The following KLRG1 variants were observed in gnomAD, a reference collection of about 807,000 sequenced individuals.
KLRG1 encodes killer cell lectin-like receptor subfamily G member 1.
A neutral mutation model predicts 21.8 loss-of-function variants in KLRG1; 16 were observed. That is an observed-to-expected ratio of 0.73 (90% CI 0.50 to 1.11). The LOEUF (loss-of-function observed/expected upper bound fraction) is 1.11. KLRG1 is among the 50% of genes most tolerant of loss of function. The pLI, the probability that KLRG1 is intolerant of heterozygous loss-of-function variation, is 0.00. For synonymous variants in KLRG1, 69 were observed against 75.9 expected (o/e 0.91, Z 0.47); for missense variants, 173 against 218.3 (o/e 0.79, Z 1.31).
chr12:9,067,993 T>C, the KLRG1 span: 1 of 948,336 alleles, frequency 1.1e-6, no homozygotes, highest in Non-Finnish European at 1.6e-6. Context: ...CCATAAGCAA[T>C]CCTATGGACT....
chr12:9,062,131 C>T, the KLRG1 span, among the ~76,000 whole-genome samples: 13 of 147,326 alleles, frequency 8.8e-5, no homozygotes, highest in Admixed American at 2.7e-4. Context: ...GATAATATAT[C>T]TGATATATTT....
chr12:9,040,645 G>T, the KLRG1 span, among the ~76,000 whole-genome samples: 310 of 152,092 alleles, frequency 2.0e-3, 2 homozygotes, highest in African/African-American at 7.1e-3. Flanking sequence ...TTTTATATGT[G>T]GTTGTGTGGT....
the KLRG1 span, chr12:9,066,552 G>C: frequency 6.6e-6 from 1 of 152,364 alleles, no homozygotes. Flanking sequence ...CCTTGGATCC[G>C]GGATCCAGGT....
At chr12:9,079,627 G>A in the KLRG1 span, 1 of 1,607,530 alleles carries the variant, frequency 6.2e-7, no homozygotes, top group Non-Finnish European at 8.5e-7. Flanking sequence ...CCTTACTCAA[G>A]TAATCACTCA....
At chr12:9,086,401 C>G in the KLRG1 span, among the ~76,000 whole-genome samples, 1 of 152,250 alleles carries the variant, frequency 6.6e-6, no homozygotes, top group Admixed American at 6.5e-5. Flanking sequence ...ACGAAATAAA[C>G]TAGCAGACTA....
At chr12:8,981,482 C>T (rs1488050936) in intron 1 of KLRG1, among the ~76,000 whole-genome samples, 1 of 151,208 alleles carries the variant, frequency 6.6e-6, no homozygotes, top group Non-Finnish European at 1.5e-5. Context: ...AATATTTTAA[C>T]GTTTAAAATT....
At chr12:9,113,398 C>T in the KLRG1 span, 1 of 1,613,718 alleles carries the variant, frequency 6.2e-7, no homozygotes, top group Non-Finnish European at 8.5e-7. Flanking sequence ...TTCTCCGCCT[C>T]CAGGTCAGTG....
the KLRG1 span, chr12:9,153,094 G>T: frequency 1.4e-4 from 232 of 1,610,100 alleles, no homozygotes; most frequent in Non-Finnish European, 2.0e-4. Flanking sequence ...GTTTAAAGTT[G>T]ACTCTCACCC....
the KLRG1 span, among the ~76,000 whole-genome samples, chr12:9,178,940 A>G: frequency 6.6e-6 from 1 of 152,212 alleles, no homozygotes; most frequent in Non-Finnish European, 1.5e-5. Context: ...TGAAGTAGAA[A>G]CTAGAATAAA....
the KLRG1 span, among the ~76,000 whole-genome samples, chr12:9,145,785 C>T: frequency 2.4e-3 from 373 of 152,254 alleles, 5 homozygotes; most frequent in African/African-American, 8.7e-3. Flanking sequence ...TATTACTCCT[C>T]CATTTTTGAT....
At chr12:8,990,519 T>C (rs1196241035) in intron 1 of KLRG1, among the ~76,000 whole-genome samples, 1 of 152,186 alleles carries the variant, frequency 6.6e-6, no homozygotes, top group Non-Finnish European at 1.5e-5. Flanking sequence ...TAAATCATTC[T>C]AGTATACTTG....
downstream of KLRG1, among the ~76,000 whole-genome samples, chr12:9,011,630 G>C (rs759284208): frequency 6.6e-6 from 1 of 152,162 alleles, no homozygotes; most frequent in Non-Finnish European, 1.5e-5. Context: ...ACAATTATCC[G>C]CAAAAGAAAG....
intron 1 of KLRG1, among the ~76,000 whole-genome samples, chr12:8,976,713 A>AC (rs1946661998): frequency 6.6e-6 from 1 of 151,808 alleles, no homozygotes; most frequent in Non-Finnish European, 1.5e-5. Flanking sequence ...ATATAAAATT[A>AC]CCTTTTTTCT....
the KLRG1 span, among the ~76,000 whole-genome samples, chr12:9,141,549 C>A: frequency 0.023 from 3,468 of 152,266 alleles, 133 homozygotes; most frequent in African/African-American, 0.078. Flanking sequence ...ACTTCTTCAA[C>A]TTTAGCCAAT....
chr12:9,086,655 G>T, the KLRG1 span, among the ~76,000 whole-genome samples: 1 of 152,138 alleles, frequency 6.6e-6, no homozygotes, highest in Non-Finnish European at 1.5e-5. Context: ...ACAATAAAGG[G>T]CATGTATGAT....
chr12:9,208,130 G>T, the KLRG1 span: 2 of 657,434 alleles, frequency 3.0e-6, no homozygotes, highest in Non-Finnish European at 5.4e-6. Flanking sequence ...GGATTAACTG[G>T]AATAATTTCT....
the KLRG1 span, among the ~76,000 whole-genome samples, chr12:9,020,492 G>A: frequency 2.0e-5 from 3 of 152,050 alleles, no homozygotes; most frequent in African/African-American, 7.2e-5. Context: ...GAGTTTTACA[G>A]TACATAGAGT....
intron 3 of KLRG1, among the ~76,000 whole-genome samples, chr12:9,004,805 A>G (rs1947419430): frequency 1.3e-5 from 2 of 151,458 alleles, no homozygotes; most frequent in South Asian, 2.1e-4. Flanking sequence ...ATAATTTTAT[A>G]TATTTTTCTA....
chr12:9,111,691 G>A, the KLRG1 span, among the ~76,000 whole-genome samples: 1 of 152,100 alleles, frequency 6.6e-6, no homozygotes, highest in East Asian at 1.9e-4. Context: ...TGAAGACTTT[G>A]GGTTGATGTC....
Sources: allele counts gnomAD v4.1 joint callset (sites outside exome capture counted in the v4.1 genomes callset), GRCh38; gene constraint gnomAD v4.1.1; transcripts MANE v1.5; gene names NCBI Gene and HGNC (gene_info 2026-07-23, HGNC 2026-07-21).